Variants in NR0B1 observed in about 807,000 individuals in gnomAD.
NR0B1 encodes the protein DSS-AHC critical region on the X chromosome protein 1.
NR0B1 carries 3 observed loss-of-function variants against 23.0 expected under a neutral mutation model. The ratio of observed to expected loss-of-function variants is 0.13; its 90% confidence interval spans 0.06 to 0.34. The LOEUF is 0.34. Ranked by LOEUF, NR0B1 falls within the 10% of genes least tolerant of loss-of-function variation. The probability of loss-of-function intolerance (pLI) is 1.00; values close to 1 mark genes in which losing one functional copy is unlikely to be tolerated. For missense variants in NR0B1, 350 were observed against 402.9 expected (o/e 0.87, Z 1.12); for synonymous variants, 205 against 184.0 (o/e 1.11, Z -0.92).
Position 30,308,554 on chromosome X carries a change from C to T in NR0B1, c.810G>A (p.Lys270=). ...GCAGCACCTGGAAGCAGGGCAAGTA[C>T]TTGACGAAGCGCAGCGTCTTCAACA... The part of the protein sequence containing the change: ...AGLLKTLRFV[K]YLPCFQVLPL... Residue 270 remains lysine (K), a synonymous_variant, in exon 1 of 2, where the codon AAG becomes AAA. Coordinates refer to ENST00000378970, the MANE Select transcript of NR0B1 (RefSeq NM_000475.5). 1 of 1,207,188 alleles carries T rather than the reference C, an allele frequency of 8.3e-7. No homozygotes were observed. The highest frequency in any genetic ancestry group is 1.1e-6 in the Non-Finnish European group (1 of 893,878).
chrX:30,308,083 C>T lies in NR0B1; in HGVS notation c.1168+113G>A, dbSNP rs762491355. 9 of 609,775 alleles carry T rather than the reference C, an allele frequency of 1.5e-5. No homozygotes were observed. In the South Asian group the frequency reaches 1.7e-4, roughly 11 times the overall value. The allele number at this position is 609,775 out of a possible 1,213,427, so 50.3% of individuals were successfully genotyped here. A position where few individuals can be genotyped will look rare whatever the true frequency, so the allele number is the denominator to read the frequency against. ...GTTAGTCACGATTTCTTCACCTTTG[C>T]CCCGACACTCTCCTGATCACTGAAA... On this transcript the variant is annotated intron_variant, in intron 1 of 1. Transcript: ENST00000378970.
chrX:30,308,543 C>T lies in NR0B1; in HGVS notation c.821G>A (p.Cys274Tyr). ...CTGGTCCAGGGGCAGCACCTGGAAG[C>T]AGGGCAAGTACTTGACGAAGCGCAG... ...KTLRFVKYLP[C>Y]FQVLPLDQQL... Residue 274 changes from cysteine (C) to tyrosine (Y), a missense_variant, in exon 1 of 2, where the codon TGC (cysteine) becomes TAC (tyrosine). Transcript: ENST00000378970. The T allele has an allele frequency of 8.3e-7, 1 of 1,206,182 alleles. No individual in the cohort carries two copies. Among genetic ancestry groups the T allele is most frequent in the South Asian group, 1.8e-5 (1 of 56,004 alleles).
chrX:30,308,283 T>C lies in NR0B1; in HGVS notation c.1081A>G (p.Ile361Val). ...CAGCATTTGGAAAGAAAGCACTTGA[T>C]GGCTTGGACCTGGGAGGCGGAGGGC... ...KVPSASQVQA[I>V]KCFLSKCWSL... Residue 361 changes from isoleucine to valine, a missense_variant, in exon 1 of 2, where the codon ATC becomes GTC. Physicochemically the swap from Ile to Val is conservative, Grantham distance 29. Transcript: ENST00000378970. The C allele has an allele frequency of 8.3e-7, 1 of 1,211,333 alleles. No homozygotes were observed. Among genetic ancestry groups the C allele is most frequent in the Non-Finnish European group, 1.1e-6 (1 of 894,815 alleles).
chrX:30,307,041 A>T (rs1240295056), intron 1 of NR0B1, among the ~76,000 whole-genome samples: 2 of 111,647 alleles, frequency 1.8e-5, no homozygotes, highest in African/African-American at 6.5e-5. Flanking sequence ...TGAACAAATT[A>T]TTATCCCACC....
chrX:30,308,306 G>T lies in NR0B1; in HGVS notation c.1058C>A (p.Pro353His). Residue 353 changes from proline to histidine, a missense_variant, in exon 1 of 2, where the codon CCC becomes CAC. Transcript: ENST00000378970. Reference protein sequence around the residue: ...LAPPAEARKVPSASQVQAIKC... With the variant: ...LAPPAEARKVHSASQVQAIKC... The stretch of plus-strand genomic sequence containing the variant: ...GATGGCTTGGACCTGGGAGGCGGAG[G>T]GCACCTTCCTGGCCTCCGCCGGCGG... The T allele has an allele frequency of 8.3e-7, 1 of 1,210,939 alleles. No individual in the cohort carries two copies. The highest frequency in any genetic ancestry group is 1.1e-6 in the Non-Finnish European group (1 of 894,505).
At chrX:30,305,922 T>G (rs1377218291) in intron 1 of NR0B1, 3 of 367,500 alleles carry the variant, frequency 8.2e-6, no homozygotes, top group Non-Finnish European at 9.6e-6. Flanking sequence ...GCAGAACCAG[T>G]GTTCTTTAAA....
Position 30,309,370 on chromosome X carries a change from C to G in NR0B1, c.-7G>C. ...GGTGGTTCTCGCCCGCCATGGCCCG[C>G]GGCGCCCGTAGCCCAGTTCTGCCCA... On this transcript the variant is annotated 5_prime_UTR_variant, in exon 1 of 2. Transcript: ENST00000378970. The G allele has an allele frequency of 1.7e-6, 2 of 1,194,331 alleles. No homozygotes were observed. The highest frequency in any genetic ancestry group is 6.0e-5 in the East Asian group (2 of 33,505).
chrX:30,304,639 G>A lies in NR0B1; in HGVS notation c.1353C>T (p.Pro451=). The change falls in exon 2 of 2, where the codon CCC becomes CCT. Residue 451 remains proline (P), a synonymous_variant. Coordinates refer to ENST00000378970, the MANE Select transcript of NR0B1 (RefSeq NM_000475.5). ...ANVIAELFFR[P]IIGTVSMDDM... ...CATCCATGCTGACTGTGCCGATGAT[G>A]GGCCTGAAGAACAGTTCAGCAATGA... 8.3e-7 allele frequency: 1 copy of A among 1,209,207 alleles called. No homozygotes were observed. Among genetic ancestry groups the A allele is most frequent in the Non-Finnish European group, 1.1e-6 (1 of 893,526 alleles).
intron 1 of NR0B1, among the ~76,000 whole-genome samples, chrX:30,306,198 T>C (rs1926513842): frequency 9.0e-6 from 1 of 111,325 alleles, no homozygotes; most frequent in African/African-American, 3.3e-5. Flanking sequence ...TCTAGATTCA[T>C]GGCTTGTGAA....
intron 1 of NR0B1, chrX:30,305,672 A>G: frequency 2.8e-6 from 1 of 357,855 alleles, no homozygotes; most frequent in Non-Finnish European, 4.9e-6. Flanking sequence ...AATGCAGGAA[A>G]GTTTAAGTGG....
Position 30,304,336 on chromosome X carries a change from A to C in NR0B1, c.*243T>G. ...TAGCTTATTATACTAGTACCCTGCT[A>C]TTTTTTTTTTAAAAGATGTACAGAG... On this transcript the variant is annotated 3_prime_UTR_variant, in exon 2 of 2. Transcript: ENST00000378970. 3.2e-6 allele frequency: 1 copy of C among 310,477 alleles called. No individual in the cohort carries two copies. The highest frequency in any genetic ancestry group is 5.7e-6 in the Non-Finnish European group (1 of 176,817). 25.6% of individuals were successfully genotyped at this position (310,477 alleles called of 1,213,427 possible). A position where few individuals can be genotyped will look rare whatever the true frequency, so the allele number is the denominator to read the frequency against.
chrX:30,305,975 C>T (rs1926511084), intron 1 of NR0B1: 3 of 321,289 alleles, frequency 9.3e-6, no homozygotes, highest in South Asian at 1.3e-4. Context: ...CTATTATGGG[C>T]GAATATCAAA....
intron 1 of NR0B1, chrX:30,305,831 T>C (rs3788890): frequency 4.3e-6 from 2 of 466,694 alleles, no homozygotes; most frequent in Non-Finnish European, 3.7e-6. Flanking sequence ...TTAATGATGA[T>C]TGCAATCATT....
rs1292029860 is a variant in NR0B1, at chrX:30,304,810, C to T, written c.1182G>A (p.Leu394=). ...TVLFNPDVPG[L]QCVKYIQGLQ... is the part of the protein sequence containing the mutation. The stretch of plus-strand genomic sequence containing the variant: ...GTCCCTGAATGTACTTCACGCACTG[C>T]AGGCCCGGCACGTCTGGAGGGAGAA... Residue 394 remains leucine (L), a synonymous_variant, in exon 2 of 2, where the codon CTG becomes CTA. Transcript: ENST00000378970. 8.3e-7 allele frequency: 1 copy of T among 1,211,287 alleles called. No individual in the cohort carries two copies. Among genetic ancestry groups the T allele is most frequent in the South Asian group, 1.8e-5 (1 of 56,944 alleles).
At position 30,304,759 on chromosome X, in the gene NR0B1, G is replaced by A; in HGVS notation, c.1233C>T (p.Leu411=). 1.7e-6 allele frequency: 2 copies of A among 1,210,808 alleles called. No homozygotes were observed. Among genetic ancestry groups the A allele is most frequent in the Middle Eastern group, 2.3e-4 (1 of 4,352 alleles). Residue 411 remains leucine (L), a synonymous_variant, in exon 2 of 2, where the codon CTC becomes CTT. Coordinates refer to ENST00000378970, the MANE Select transcript of NR0B1 (RefSeq NM_000475.5). ...GGTGCGTCATCCTGGTGTGTTCACT[G>A]AGTATTTGCTGAGTTCCCCACTGGA... ...QGLQWGTQQI[L]SEHTRMTHQG... is the part of the protein sequence containing the mutation.
At chrX:30,307,842 ACT>A (rs1926550837) in intron 1 of NR0B1, among the ~76,000 whole-genome samples, 1 of 112,396 alleles carries the variant, frequency 8.9e-6, no homozygotes, top group African/African-American at 3.2e-5. Context: ...GTGAGCAAAA[ACT>A]TTTTTTAGAA....
At position 30,304,481 on chromosome X, in the gene NR0B1, A is replaced by G. The variant is rs1257069442; in HGVS notation, c.*98T>C. The G allele has an allele frequency of 3.1e-6, 3 of 960,176 alleles. No individual in the cohort carries two copies. The highest frequency in any genetic ancestry group is 3.9e-5 in the African/African-American group (2 of 51,325). The allele number at this position is 960,176 out of a possible 1,213,427, so 79.1% of individuals were successfully genotyped here. On this transcript the variant is annotated 3_prime_UTR_variant, in exon 2 of 2. Transcript: ENST00000378970. ...ATACTCTGCATGTAAAAATATTAAG[A>G]AAGTTTATTTTAAAATATTTTACAC...
chrX:30,308,049 C>T, intron 1 of NR0B1, 147 bp downstream of exon 1: 1 of 518,080 alleles, frequency 1.9e-6, no homozygotes, highest in South Asian at 2.8e-5. Flanking sequence ...CCCACCCCAA[C>T]TCTGCTGAGT....
intron 1 of NR0B1, among the ~76,000 whole-genome samples, chrX:30,306,616 T>TGTGTGTGTG (rs1569268357): frequency 4.7e-5 from 5 of 105,781 alleles, no homozygotes; most frequent in East Asian, 2.9e-4. Context: ...TGTGTGTGTG[T>TGTGTGTGTG]TAAAAGTATA....
Sources: allele counts gnomAD v4.1 joint callset (sites outside exome capture counted in the v4.1 genomes callset), GRCh38; gene constraint gnomAD v4.1.1; transcripts MANE v1.5; gene names NCBI Gene and HGNC (gene_info 2026-07-23, HGNC 2026-07-21).